The following PCDH11X variants were observed in gnomAD, a reference collection of about 807,000 sequenced individuals.
PCDH11X encodes the protein protocadherin 11 X-linked, also known as protocadherin-11 X-linked.
A neutral mutation model predicts 53.3 loss-of-function variants in PCDH11X; 18 were observed. That is an observed-to-expected ratio of 0.34 (90% CI 0.23 to 0.50). The LOEUF is 0.50. Ranked by LOEUF, PCDH11X falls within the 20% of genes least tolerant of loss-of-function variation. The pLI is 0.98. For missense variants in PCDH11X, 570 were observed against 1,032.4 expected (o/e 0.55, Z 6.14); for synonymous variants, 279 against 393.3 (o/e 0.71, Z 3.44).
intron 6 of PCDH11X, among the ~76,000 whole-genome samples, chrX:91,936,476 C>T (rs1328395249): frequency 3.7e-5 from 4 of 108,485 alleles, no homozygotes; most frequent in East Asian, 5.8e-4. Context: ...AACTTACAAT[C>T]GTATTTTCAT....
chrX:92,381,645 A>G (rs1191269055), intron 8 of PCDH11X, among the ~76,000 whole-genome samples: 1 of 111,910 alleles, frequency 8.9e-6, no homozygotes, highest in Non-Finnish European at 1.9e-5. Flanking sequence ...GTTGTATGCT[A>G]CAAAATTATT....
intron 10 of PCDH11X, among the ~76,000 whole-genome samples, chrX:92,494,704 G>C (rs924467346): frequency 7.5e-5 from 8 of 107,207 alleles, no homozygotes; most frequent in African/African-American, 2.7e-4. Context: ...AAGGCAATAA[G>C]GCATCAGGGG....
At chrX:91,835,285 A>G (rs925242241) in intron 4 of PCDH11X, 176 bp from the exon 5 acceptor site, 66 of 1,132,242 alleles carry the variant, frequency 5.8e-5, no homozygotes, top group Admixed American at 2.2e-4. Context: ...TTCTTAATGT[A>G]CGAATTCATA....
At chrX:92,265,228 C>A (rs778977821) in intron 8 of PCDH11X, among the ~76,000 whole-genome samples, 1 of 109,875 alleles carries the variant, frequency 9.1e-6, no homozygotes, top group East Asian at 2.9e-4. Context: ...AGCCACCGCA[C>A]CCGGCCGATA....
chrX:92,460,519 C>T (rs2073016525), intron 9 of PCDH11X: 2 of 713,435 alleles, frequency 2.8e-6, no homozygotes, highest in Middle Eastern at 3.7e-4. Context: ...CACAGTCCGC[C>T]GAGGTTGGAG....
chrX:91,989,479 C>T (rs1316829624), intron 6 of PCDH11X, among the ~76,000 whole-genome samples: 5 of 110,370 alleles, frequency 4.5e-5, no homozygotes, highest in South Asian at 3.9e-4. Flanking sequence ...AGGAGAATGG[C>T]GTGAACCCAG....
At chrX:92,504,132 G>A (rs1161934267) in intron 10 of PCDH11X, among the ~76,000 whole-genome samples, 3 of 100,750 alleles carry the variant, frequency 3.0e-5, no homozygotes, top group Admixed American at 1.1e-4. Flanking sequence ...CTTTTATTTT[G>A]AGTTCAGGGA....
intron 5 of PCDH11X, among the ~76,000 whole-genome samples, chrX:91,872,751 C>G (rs1316798670): frequency 9.2e-6 from 1 of 108,353 alleles, no homozygotes; most frequent in Admixed American, 1.0e-4. Context: ...AATTAAGGAG[C>G]CATACGTTTT....
intron 6 of PCDH11X, among the ~76,000 whole-genome samples, chrX:92,170,412 A>G (rs1256737969): frequency 9.0e-6 from 1 of 110,793 alleles, no homozygotes; most frequent in Non-Finnish European, 1.9e-5. Flanking sequence ...GATTACTGAA[A>G]GAGAGCTCAA....
In PCDH11X at chrX:92,016,425, A is replaced by T. The variant is rs754347424; in HGVS notation, c.3033+137152A>T. On this transcript the variant is annotated intron_variant, in intron 6 of 10. Coordinates refer to ENST00000682573, the MANE Select transcript of PCDH11X (RefSeq NM_032968.5). ...TCTTCTTCCTATATAAGGCTGCTTC[A>T]TCTACACTGAAAATCTGTTGTTCAG... Among the ~76,000 whole-genome samples, 317 of 109,689 alleles carry T rather than the reference A, an allele frequency of 2.9e-3. 2 individuals carry two copies. The highest frequency in any genetic ancestry group is 1.0e-2 in the African/African-American group (300 of 30,147).
chrX:92,570,965 C>T (rs56361353), intron 10 of PCDH11X, among the ~76,000 whole-genome samples: 7,057 of 111,161 alleles, frequency 0.063, 186 homozygotes, highest in South Asian at 0.19. Context: ...ATTTGAAGGC[C>T]TCTTTTTAAA....
chrX:92,179,943 A>G (rs770641406), intron 6 of PCDH11X, among the ~76,000 whole-genome samples: 1 of 110,998 alleles, frequency 9.0e-6, no homozygotes, highest in South Asian at 4.0e-4. Context: ...TTCCTACTTG[A>G]TTTACTTTCT....
At chrX:92,100,547 C>T (rs1425415419) in intron 6 of PCDH11X, among the ~76,000 whole-genome samples, 1 of 110,348 alleles carries the variant, frequency 9.1e-6, no homozygotes, top group Non-Finnish European at 1.9e-5. Context: ...ATTTACACTT[C>T]TGTTGTGGTG....
chrX:92,201,279 T>A, intron 6 of PCDH11X, 96 bp from the exon 7 acceptor site: 1 of 1,078,751 alleles, frequency 9.3e-7, no homozygotes, highest in South Asian at 2.3e-5. Flanking sequence ...CCAGGCACTA[T>A]TTTAGCTACC....
intron 8 of PCDH11X, among the ~76,000 whole-genome samples, chrX:92,285,402 C>T (rs1258470640): frequency 1.8e-5 from 2 of 109,180 alleles, no homozygotes; most frequent in African/African-American, 3.3e-5. Flanking sequence ...TAGAGGCCCC[C>T]ACCACCATGC....
chrX:91,875,483 G>A (rs1939557322), intron 5 of PCDH11X, among the ~76,000 whole-genome samples: 1 of 107,669 alleles, frequency 9.3e-6, no homozygotes, highest in Admixed American at 9.9e-5. Context: ...AGTAGAGACG[G>A]GGTTTCCCCG....
chrX:91,912,250 T>A (rs1041622873), intron 6 of PCDH11X, among the ~76,000 whole-genome samples: 4 of 111,443 alleles, frequency 3.6e-5, no homozygotes, highest in Non-Finnish European at 5.7e-5. Flanking sequence ...TTCCTTTCCA[T>A]CATGGATGCC....
intron 6 of PCDH11X, among the ~76,000 whole-genome samples, chrX:92,044,156 T>G (rs1002030455): frequency 9.1e-6 from 1 of 109,822 alleles, no homozygotes; most frequent in Non-Finnish European, 1.9e-5. Flanking sequence ...GAAATGGACT[T>G]GAAAAGAATT....
At chrX:92,461,945 G>A (rs1033931210) in intron 9 of PCDH11X, among the ~76,000 whole-genome samples, 3 of 112,087 alleles carry the variant, frequency 2.7e-5, no homozygotes, top group African/African-American at 9.7e-5. Context: ...ACCTTCAAGT[G>A]TTTAAGTAAA....
Sources: gnomAD v4.1 joint callset for allele counts (sites outside exome capture counted in the v4.1 genomes callset) on GRCh38, gnomAD v4.1.1 for gene constraint, MANE v1.5 for transcripts, NCBI Gene and HGNC (gene_info 2026-07-23, HGNC 2026-07-21) for gene names.